RND1: variants seen among roughly 807,000 people sequenced by gnomAD.
RND1 encodes the protein rho-related GTP-binding protein Rho6.
Under a neutral mutation model 27.1 loss-of-function variants are expected in RND1, and 9 were observed. The observed-to-expected ratio is 0.33, with a 90% CI of 0.20 to 0.58. RND1 has a LOEUF of 0.58. Ranked by LOEUF, RND1 falls within the 20% of genes least tolerant of loss-of-function variation. RND1 has a pLI of 0.86. For synonymous variants in RND1, 108 were observed against 115.7 expected (o/e 0.93, Z 0.43); for missense variants, 253 against 292.2 (o/e 0.87, Z 0.98).
Position 48,862,065 on chromosome 12 carries a change from C to G in RND1, c.262G>C (p.Val88Leu), listed in dbSNP as rs1207223987. The change falls in exon 3 of 5, where the codon GTA becomes CTA. Residue 88 changes from valine to leucine, a missense_variant. Coordinates refer to ENST00000309739, the MANE Select transcript of RND1 (RefSeq NM_014470.4). The part of the protein sequence containing the change: ...RPLCYSDSDA[V>L]LLCFDISRPE... ...CGGCTGATGTCAAAACATAGTAATA[C>G]TGCATCCGAGTCGCTGTAGCAGAGT... 1.2e-6 allele frequency: 2 copies of G among 1,613,706 alleles called. No homozygotes were observed. Among genetic ancestry groups the G allele is most frequent in the South Asian group, 2.2e-5 (2 of 91,078 alleles).
intron 3 of RND1, 104 bp from the exon 4 acceptor site, chr12:48,861,235 C>G (rs1029340433): frequency 8.1e-6 from 9 of 1,116,878 alleles, no homozygotes; most frequent in Non-Finnish European, 1.2e-5. Context: ...ACACACATCA[C>G]CTCACTCATC....
chr12:48,858,957 C>CT (rs1938880675), intron 4 of RND1: 1 of 133,608 alleles, frequency 7.5e-6, no homozygotes, highest in Non-Finnish European at 1.6e-5. Context: ...CTTTTTCTTT[C>CT]TTTTCTTTTT....
At position 48,865,678 on chromosome 12, in the gene RND1, C is replaced by G. The variant is rs1394019149; in HGVS notation, c.90G>C (p.Leu30Phe). Residue 30 changes from leucine (L) to phenylalanine (F), a missense_variant, in exon 1 of 5, where the codon TTG (leucine) becomes TTC (phenylalanine). Physicochemically the swap from Leu to Phe is conservative, Grantham distance 22. Coordinates refer to ENST00000309739, the MANE Select transcript of RND1 (RefSeq NM_014470.4). ...GDVQCGKTAM[L>F]QVLAKDCYPE... ...GATAGCAATCCTTCGCTAACACTTGCAACATCGCGGTCTTCCCACACTGCA... is the reference window on the plus strand; with the variant it reads ...GATAGCAATCCTTCGCTAACACTTGGAACATCGCGGTCTTCCCACACTGCA... 1.2e-6 allele frequency: 2 copies of G among 1,614,112 alleles called. No homozygotes were observed.
chr12:48,862,166 C>A (rs1476233398), intron 2 of RND1, 48 bp from the exon 3 acceptor site: 4 of 1,113,760 alleles, frequency 3.6e-6, no homozygotes, highest in Non-Finnish European at 4.1e-6. Context: ...TGTTTTCCTT[C>A]CCCAATAGGC....
chr12:48,857,744 G>A lies in RND1; in HGVS notation c.*252C>T, dbSNP rs956852215. 5 of 359,896 alleles carry A rather than the reference G, an allele frequency of 1.4e-5. No homozygotes were observed. The highest frequency in any genetic ancestry group is 8.9e-5 in the Admixed American group (2 of 22,376). 22.3% of individuals were successfully genotyped at this position (359,896 alleles called of 1,614,324 possible). A position where few individuals can be genotyped will look rare whatever the true frequency, so the allele number is the denominator to read the frequency against. On this transcript the variant is annotated 3_prime_UTR_variant, in exon 5 of 5. Coordinates refer to ENST00000309739, the MANE Select transcript of RND1 (RefSeq NM_014470.4). ...ACAGCTTTCCTTCCTCTGGAGCGGG[G>A]GGGGCACTGGGGTAGTCGCCCCCTC...
intron 3 of RND1, 27 bp from the exon 4 acceptor site, chr12:48,861,158 A>G (rs1592210232): frequency 1.3e-6 from 2 of 1,582,074 alleles, no homozygotes; most frequent in Non-Finnish European, 1.7e-6. Context: ...GAAGAAGGGT[A>G]GGAGAAGGAG....
In RND1 at chr12:48,858,237, C is replaced by T; in HGVS notation, c.458G>A (p.Cys153Tyr). 1.2e-6 allele frequency: 2 copies of T among 1,613,906 alleles called. No individual in the cohort carries two copies. Among genetic ancestry groups the T allele is most frequent in the Non-Finnish European group, 1.7e-6 (2 of 1,179,920 alleles). Residue 153 changes from cysteine (C) to tyrosine (Y), a missense_variant, in exon 5 of 5, where the codon TGT (cysteine) becomes TAT (tyrosine). Physicochemically the swap from Cys to Tyr is radical, Grantham distance 194. Transcript: ENST00000309739. ...TGCACCCAGCTGCTTTGCTATTGCA[C>T]AACCCTGCAGGAGGGGGTGAGGGCA... ...KQAPISYEQGCAIAKQLGAEI... is the reference protein window; with the variant it reads ...KQAPISYEQGYAIAKQLGAEI...
intron 4 of RND1, 116 bp downstream of exon 4, chr12:48,860,881 T>C: frequency 1.4e-6 from 2 of 1,460,752 alleles, no homozygotes; most frequent in Non-Finnish European, 1.9e-6. Flanking sequence ...TTGCTAATTA[T>C]AACAGCAATT....
chr12:48,863,359 C>A (rs1260280392), intron 2 of RND1, among the ~76,000 whole-genome samples: 2 of 151,890 alleles, frequency 1.3e-5, no homozygotes, highest in African/African-American at 4.8e-5. Flanking sequence ...AGAGACTACA[C>A]TTGCTGATTT....
intron 1 of RND1, 111 bp downstream of exon 1, chr12:48,865,537 G>T: frequency 1.6e-6 from 2 of 1,279,592 alleles, no homozygotes; most frequent in Non-Finnish European, 2.2e-6. Context: ...TCAGAAAGCG[G>T]CTGAGGATGG....
intron 2 of RND1, among the ~76,000 whole-genome samples, chr12:48,862,957 G>A (rs1782963669): frequency 6.6e-6 from 1 of 151,946 alleles, no homozygotes; most frequent in African/African-American, 2.4e-5. Context: ...GGAAACTGGG[G>A]GGAATCCAAG....
At chr12:48,864,758 G>A in intron 2 of RND1, 25 bp downstream of exon 2, 4 of 1,523,080 alleles carry the variant, frequency 2.6e-6, no homozygotes, top group Non-Finnish European at 3.6e-6. Flanking sequence ...GGGTGGGAAA[G>A]GGGTATTTGG....
At position 48,857,981 on chromosome 12, in the gene RND1, C is replaced by G. The variant is rs201072855; in HGVS notation, c.*15G>C. On this transcript the variant is annotated 3_prime_UTR_variant, in exon 5 of 5. Transcript: ENST00000309739. ...GGAGGAAGTAGGGGGTTGTCTCCCC[C>G]CTCCAATTTCCACTTCACATAATGG... The G allele has an allele frequency of 6.3e-5, 100 of 1,576,942 alleles. No homozygotes were observed. The African/African-American group carries it at 9.3e-4, about 15-fold the overall frequency.
At chr12:48,864,428 C>CGCGTGT (rs776739044) in intron 2 of RND1, among the ~76,000 whole-genome samples, 2 of 147,466 alleles carry the variant, frequency 1.4e-5, no homozygotes, top group African/African-American at 2.6e-5. Context: ...CGCGCGCGCG[C>CGCGTGT]GTGTGTGTGC....
chr12:48,860,922 A>G (rs1397880363), intron 4 of RND1, 75 bp downstream of exon 4: 2 of 1,589,694 alleles, frequency 1.3e-6, no homozygotes, highest in Admixed American at 3.3e-5. Flanking sequence ...AATTTGAGCC[A>G]GGGCCATATT....
chr12:48,863,433 G>A (rs1938943818), intron 2 of RND1, among the ~76,000 whole-genome samples: 1 of 152,084 alleles, frequency 6.6e-6, no homozygotes, highest in African/African-American at 2.4e-5. Context: ...GGAGGTGGGG[G>A]GAGGGCGTTT....
At chr12:48,863,556 T>G (rs1372226282) in intron 2 of RND1, among the ~76,000 whole-genome samples, 2 of 152,110 alleles carry the variant, frequency 1.3e-5, no homozygotes, top group Non-Finnish European at 2.9e-5. Context: ...TCAAGCTGCA[T>G]TCTAGCCCAA....
intron 2 of RND1, among the ~76,000 whole-genome samples, chr12:48,864,121 A>T (rs536918439): frequency 1.6e-4 from 24 of 152,238 alleles, no homozygotes; most frequent in African/African-American, 5.8e-4. Flanking sequence ...CACTATTCAC[A>T]ACTGACTATG....
chr12:48,859,773 A>C (rs1403947711), intron 4 of RND1, among the ~76,000 whole-genome samples: 1 of 152,118 alleles, frequency 6.6e-6, no homozygotes. Context: ...CTATAGTCCC[A>C]GCTACTAGGG....
Sources: gnomAD v4.1 joint callset for allele counts (sites outside exome capture counted in the v4.1 genomes callset) on GRCh38, gnomAD v4.1.1 for gene constraint, MANE v1.5 for transcripts, NCBI Gene and HGNC (gene_info 2026-07-23, HGNC 2026-07-21) for gene names.